SMG6: variants seen among roughly 807,000 people sequenced by gnomAD.
SMG6 encodes telomerase-binding protein EST1A.
In SMG6, 66 loss-of-function variants were observed where a neutral mutation model predicts 142.2. The observed-to-expected ratio is 0.46, with a 90% CI of 0.38 to 0.57. The LOEUF (loss-of-function observed/expected upper bound fraction) is 0.57, where lower values mean the gene tolerates loss of function less well. SMG6 is among the 20% of genes least tolerant of loss of function. The probability of loss-of-function intolerance (pLI) is 0.00; values close to 1 mark genes in which losing one functional copy is unlikely to be tolerated. For synonymous variants in SMG6, 779 were observed against 702.4 expected, an observed-to-expected ratio of 1.11 and a Z score of -1.72; for missense variants, 1,793 against 1,832.0, an observed-to-expected ratio of 0.98 and a Z score of 0.39.
intron 13 of SMG6, among the ~76,000 whole-genome samples, chr17:2,168,118 T>C (rs1212470701): frequency 6.6e-6 from 1 of 152,142 alleles, no homozygotes; most frequent in Non-Finnish European, 1.5e-5. Flanking sequence ...TCCTCCCACT[T>C]TGGCCTTCCA....
intron 10 of SMG6, among the ~76,000 whole-genome samples, chr17:2,230,906 A>G (rs907162796): frequency 2.0e-5 from 3 of 152,162 alleles, no homozygotes; most frequent in African/African-American, 4.8e-5. Context: ...CTGAAAATGA[A>G]AGTCAGGTGG....
chr17:2,074,536 G>A (rs1388803451), intron 15 of SMG6, among the ~76,000 whole-genome samples: 1 of 152,190 alleles, frequency 6.6e-6, no homozygotes, highest in Non-Finnish European at 1.5e-5. Context: ...ATGTACCACA[G>A]AGCTTAATAT....
At chr17:2,131,357 G>A (rs988537551) in intron 13 of SMG6, among the ~76,000 whole-genome samples, 2 of 151,436 alleles carry the variant, frequency 1.3e-5, no homozygotes, top group Non-Finnish European at 2.9e-5. Flanking sequence ...GTGCAGTGGT[G>A]CAATCTAGGC....
intron 12 of SMG6, among the ~76,000 whole-genome samples, chr17:2,186,284 A>G (rs962914325): frequency 6.6e-6 from 1 of 151,372 alleles, no homozygotes; most frequent in Non-Finnish European, 1.5e-5. Flanking sequence ...CAAGATGCAC[A>G]GAAAAACTAA....
intron 8 of SMG6, among the ~76,000 whole-genome samples, chr17:2,249,681 T>C (rs1346246775): frequency 6.6e-6 from 1 of 152,236 alleles, no homozygotes; most frequent in East Asian, 1.9e-4. Flanking sequence ...GGAAAATAAA[T>C]GTTACTTCTC....
intron 15 of SMG6, among the ~76,000 whole-genome samples, chr17:2,076,790 G>C (rs1390598976): frequency 6.6e-6 from 1 of 152,220 alleles, no homozygotes; most frequent in East Asian, 1.9e-4. Flanking sequence ...AGGCAGGGCC[G>C]CCAGCTTGGT....
chr17:2,206,406 T>C (rs1396907946), intron 10 of SMG6, among the ~76,000 whole-genome samples: 1 of 148,140 alleles, frequency 6.8e-6, no homozygotes, highest in Non-Finnish European at 1.5e-5. Context: ...ACCCCATCTC[T>C]ACAAAAAAAA....
chr17:2,184,532 C>G (rs1189660144), intron 12 of SMG6, among the ~76,000 whole-genome samples: 1 of 151,470 alleles, frequency 6.6e-6, no homozygotes, highest in Non-Finnish European at 1.5e-5. Flanking sequence ...TAGCACATGC[C>G]TGTAGTCCCA....
rs927726353 is a variant in SMG6, at chr17:2,060,857, G to A, written c.*635C>T. The A allele has an allele frequency of 8.5e-5, 13 of 153,420 alleles. No individual in the cohort carries two copies. The highest frequency in any genetic ancestry group is 1.3e-4 in the Admixed American group (2 of 15,288). 9.5% of individuals were successfully genotyped at this position (153,420 alleles called of 1,614,324 possible). A position where few individuals can be genotyped will look rare whatever the true frequency, so the allele number is the denominator to read the frequency against. ...CAGGTTGATAAGGGCAGGAAGAGGA[G>A]CAGCAGGAAGGGTGTGTGGTAAGTC... is the stretch of plus-strand genomic sequence containing the variant. On this transcript the variant is annotated 3_prime_UTR_variant, in exon 19 of 19. Transcript: ENST00000263073.
intron 13 of SMG6, among the ~76,000 whole-genome samples, chr17:2,134,474 G>A (rs2070229091): frequency 6.8e-6 from 1 of 146,246 alleles, no homozygotes. Context: ...AACTGTAGTG[G>A]AAATCAAATG....
chr17:2,267,446 C>T (rs949812517), intron 8 of SMG6, among the ~76,000 whole-genome samples: 2 of 152,120 alleles, frequency 1.3e-5, no homozygotes, highest in African/African-American at 4.8e-5. Flanking sequence ...AATCCTCCTG[C>T]CTCAGCCTCC....
At chr17:2,090,530 TC>T (rs2068688944) in intron 13 of SMG6, among the ~76,000 whole-genome samples, 1 of 152,222 alleles carries the variant, frequency 6.6e-6, no homozygotes, top group Non-Finnish European at 1.5e-5. Flanking sequence ...AGTGAGGGAC[TC>T]GCTCTATCGT....
At chr17:2,180,536 A>G (rs1056001438) in intron 12 of SMG6, among the ~76,000 whole-genome samples, 5 of 152,164 alleles carry the variant, frequency 3.3e-5, no homozygotes, top group Non-Finnish European at 7.3e-5. Context: ...TGCAGTGCCA[A>G]CGATACTCTC....
At chr17:2,227,593 C>G (rs2073354589) in intron 10 of SMG6, among the ~76,000 whole-genome samples, 1 of 152,122 alleles carries the variant, frequency 6.6e-6, no homozygotes, top group East Asian at 1.9e-4. Flanking sequence ...TGGAGATCAA[C>G]TGGGATGGGC....
intron 3 of SMG6, 82 bp downstream of exon 3, chr17:2,297,780 CA>C (rs1567759889): frequency 6.8e-7 from 1 of 1,469,696 alleles, no homozygotes; most frequent in Non-Finnish European, 9.2e-7. Context: ...TGTTCTAAAA[CA>C]TAGTATTTCA....
At chr17:2,187,366 T>G (rs2072021815) in intron 11 of SMG6, among the ~76,000 whole-genome samples, 1 of 152,100 alleles carries the variant, frequency 6.6e-6, no homozygotes, top group Non-Finnish European at 1.5e-5. Flanking sequence ...GAAAACAACT[T>G]TTTTTTCCCC....
chr17:2,246,097 C>T (rs2073921167), intron 8 of SMG6, among the ~76,000 whole-genome samples: 1 of 152,202 alleles, frequency 6.6e-6, no homozygotes, highest in African/African-American at 2.4e-5. Flanking sequence ...GGCCCATGAG[C>T]CACCAATTTA....
At chr17:2,157,902 C>G (rs35454107) in intron 13 of SMG6, among the ~76,000 whole-genome samples, 2 of 152,158 alleles carry the variant, frequency 1.3e-5, no homozygotes, top group Non-Finnish European at 2.9e-5. Context: ...TTAGAAATCC[C>G]TAAACCATCA....
In SMG6 at chr17:2,300,529, T is replaced by C; in HGVS notation, c.224A>G (p.Lys75Arg). 1 of 1,614,148 alleles carries C rather than the reference T, an allele frequency of 6.2e-7. No individual in the cohort carries two copies. The highest frequency in any genetic ancestry group is 8.5e-7 in the Non-Finnish European group (1 of 1,179,990). ...ATCTCGGTCATTAACAATTTCATCT[T>C]TGAATTCCTCACTCCCAGGGGGTTC... ...IKEPPGSEEF[K>R]DEIVNDRDCS... The change falls in exon 2 of 19, where the codon AAA (lysine) becomes AGA (arginine). Residue 75 changes from lysine (K) to arginine (R), a missense_variant. By Grantham distance (26) the Lys-to-Arg change is conservative. Transcript: ENST00000263073.
Sources: gnomAD v4.1 joint callset for allele counts (sites outside exome capture counted in the v4.1 genomes callset) on GRCh38, gnomAD v4.1.1 for gene constraint, MANE v1.5 for transcripts, NCBI Gene and HGNC (gene_info 2026-07-23, HGNC 2026-07-21) for gene names.